The following FAM161A variants were observed in gnomAD, a reference collection of about 807,000 sequenced individuals.
FAM161A encodes FAM161 centrosomal protein A, also known as protein FAM161A.
A neutral mutation model predicts 70.9 loss-of-function variants in FAM161A; 57 were observed. That is an observed-to-expected ratio of 0.80 (90% CI 0.65 to 1.00). FAM161A has a LOEUF of 1.00. FAM161A is among the 50% of genes least tolerant of loss of function. FAM161A has a pLI of 0.00. For synonymous variants in FAM161A, 299 were observed against 295.7 expected (o/e 1.01, Z -0.12); for missense variants, 880 against 836.0 (o/e 1.05, Z -0.65).
chr2:61,812,743 A>G, the FAM161A span, among the ~76,000 whole-genome samples: 1 of 151,364 alleles, frequency 6.6e-6, no homozygotes, highest in South Asian at 2.1e-4. Flanking sequence ...AAAAACAAAA[A>G]CAAAACAACA....
intron 5 of FAM161A, among the ~76,000 whole-genome samples, chr2:61,832,716 G>A (rs1183260660): frequency 1.3e-5 from 2 of 152,184 alleles, no homozygotes; most frequent in Non-Finnish European, 2.9e-5. Context: ...ATCGTGAAGT[G>A]CTCATGCCAG....
the FAM161A span, among the ~76,000 whole-genome samples, chr2:61,802,869 A>G: frequency 6.6e-6 from 1 of 152,204 alleles, no homozygotes; most frequent in Non-Finnish European, 1.5e-5. Context: ...GAAATAAAGG[A>G]AAAGTTTTAG....
chr2:61,853,964 C>T lies in FAM161A; in HGVS notation c.78G>A (p.Arg26=), dbSNP rs2105111264. 2 of 1,613,938 alleles carry T rather than the reference C, an allele frequency of 1.2e-6. No individual in the cohort carries two copies. Among genetic ancestry groups the T allele is most frequent in the Non-Finnish European group, 1.7e-6 (2 of 1,179,836 alleles). ...GGTCTTCGCGTTCGTACTGGGCGAC[C>T]CGCGCTCCAGTGATGGGATTTACCG... is the stretch of plus-strand genomic sequence containing the variant. ...QTPVNPITGA[R]VAQYEREDPL... Residue 26 remains arginine, a synonymous_variant, in exon 1 of 7, where the codon CGG becomes CGA. Coordinates refer to ENST00000404929, the MANE Select transcript of FAM161A (RefSeq NM_001201543.2).
downstream of FAM161A, among the ~76,000 whole-genome samples, chr2:61,822,216 A>G (rs916007148): frequency 3.3e-5 from 5 of 151,992 alleles, no homozygotes; most frequent in Non-Finnish European, 5.9e-5. Flanking sequence ...GGATCACTTG[A>G]GTCCAGGAGT....
At chr2:61,852,328 C>T (rs754013002) in intron 1 of FAM161A, among the ~76,000 whole-genome samples, 1 of 152,148 alleles carries the variant, frequency 6.6e-6, no homozygotes. Context: ...ACTCCTTTAC[C>T]ACAGCAAGCC....
chr2:61,816,351 C>G, the FAM161A span, among the ~76,000 whole-genome samples: 2 of 152,164 alleles, frequency 1.3e-5, no homozygotes, highest in Non-Finnish European at 2.9e-5. Context: ...TCCCTTCAAC[C>G]CTTGCCCAAA....
the FAM161A span, among the ~76,000 whole-genome samples, chr2:61,817,607 C>T: frequency 6.6e-6 from 1 of 152,218 alleles, no homozygotes; most frequent in Admixed American, 6.5e-5. Context: ...CATTGAGATA[C>T]ACTCAGCTTA....
At position 61,839,473 on chromosome 2, in the gene FAM161A, A is replaced by ACGG. The variant is rs758465547; in HGVS notation, c.1530_1531insCCG (p.Asn510_Cys511insPro). On this transcript the variant is annotated inframe_insertion, in exon 3 of 7. Coordinates refer to ENST00000404929, the MANE Select transcript of FAM161A (RefSeq NM_001201543.2). The stretch of plus-strand genomic sequence containing the variant: ...GATACCGTGGGCACGGGAGGGTTGC[A>ACGG]GTTACAAGGCACAGGGTTTACACCT... The ACGG allele has an allele frequency of 6.2e-7, 1 of 1,614,198 alleles. No homozygotes were observed. The highest frequency in any genetic ancestry group is 1.7e-5 in the Admixed American group (1 of 60,018).
intron 1 of FAM161A, among the ~76,000 whole-genome samples, chr2:61,845,042 A>T (rs2105091905): frequency 6.6e-6 from 1 of 152,316 alleles, no homozygotes; most frequent in South Asian, 2.1e-4. Flanking sequence ...ATGTCTGGAG[A>T]CCTGGTGAGA....
At chr2:61,847,497 C>G (rs530215799) in intron 1 of FAM161A, among the ~76,000 whole-genome samples, 62 of 151,948 alleles carry the variant, frequency 4.1e-4, no homozygotes, top group South Asian at 1.5e-3. Context: ...TTTGCCAGGC[C>G]TGATGGCTCA....
chr2:61,842,078 A>C (rs1332562098), intron 2 of FAM161A, 44 bp downstream of exon 2: 1 of 1,229,608 alleles, frequency 8.1e-7, no homozygotes, highest in African/African-American at 1.5e-5. Flanking sequence ...TTAAGGATAC[A>C]TTTTATTTTA....
chr2:61,852,681 T>C (rs1226470917), intron 1 of FAM161A, among the ~76,000 whole-genome samples: 1 of 152,228 alleles, frequency 6.6e-6, no homozygotes, highest in African/African-American at 2.4e-5. Flanking sequence ...TCCTGGTTCA[T>C]GTTCAGGGTC....
chr2:61,842,091 C>T lies in FAM161A; in HGVS notation c.422+31G>A, dbSNP rs542471946. On this transcript the variant is annotated intron_variant, in intron 2 of 6. Coordinates refer to ENST00000404929, the MANE Select transcript of FAM161A (RefSeq NM_001201543.2). Reference sequence around the variant, plus strand: ...TTTTAAGGATACATTTTATTTTATACTCCACAAATAACATTGAGTTACAAG... The same window carrying T: ...TTTTAAGGATACATTTTATTTTATATTCCACAAATAACATTGAGTTACAAG... The T allele has an allele frequency of 1.0e-5, 13 of 1,295,906 alleles. No homozygotes were observed. The East Asian group carries it at 2.5e-4, about 25-fold the overall frequency. 80.3% of individuals were successfully genotyped at this position (1,295,906 alleles called of 1,614,324 possible). A position where few individuals can be genotyped will look rare whatever the true frequency, so the allele number is the denominator to read the frequency against.
At position 61,840,454 on chromosome 2, in the gene FAM161A, C is replaced by T. The variant is rs184627338; in HGVS notation, c.550G>A (p.Glu184Lys). 1.6e-5 allele frequency: 26 copies of T among 1,613,998 alleles called. No homozygotes were observed. In the Admixed American group the frequency reaches 4.3e-4, roughly 27 times the overall value. Reference protein sequence around the residue: ...SEEELPNLEKEYPRKNRMMTY... With the variant: ...SEEELPNLEKKYPRKNRMMTY... ...ATCATTCTGTTTTTCCTAGGATACTCTTTTTCTAGGTTGGGTAACTCCTCT... is the reference window on the plus strand; with the variant it reads ...ATCATTCTGTTTTTCCTAGGATACTTTTTTTCTAGGTTGGGTAACTCCTCT... Residue 184 changes from glutamate (E) to lysine (K), a missense_variant, in exon 3 of 7, where the codon GAG becomes AAG. By Grantham distance (56) the Glu-to-Lys change is moderately conservative. Transcript: ENST00000404929.
the FAM161A span, among the ~76,000 whole-genome samples, chr2:61,805,752 G>C: frequency 6.6e-6 from 1 of 152,060 alleles, no homozygotes; most frequent in Non-Finnish European, 1.5e-5. Context: ...CCAATGATCT[G>C]TTGCAGTGCC....
downstream of FAM161A, among the ~76,000 whole-genome samples, chr2:61,823,374 T>TGTATTGTATATATATATATGTATCATCA (rs1672251004): frequency 2.1e-5 from 3 of 144,164 alleles, no homozygotes; most frequent in East Asian, 4.0e-4. Context: ...TATATATATA[T>TGTATTGTATATATATATATGTATCATCA]ATATATATAT....
chr2:61,838,264 T>C (rs1180526309), intron 4 of FAM161A, among the ~76,000 whole-genome samples: 2 of 152,198 alleles, frequency 1.3e-5, no homozygotes, highest in Non-Finnish European at 2.9e-5. Context: ...CAGATATTGG[T>C]ATAAGATTAT....
rs747699789 is a variant in FAM161A at position 61,838,697 on chromosome 2, A to T, written c.1592T>A (p.Leu531His). 6.2e-7 allele frequency: 1 copy of T among 1,607,374 alleles called. No individual in the cohort carries two copies. The highest frequency in any genetic ancestry group is 2.2e-5 in the East Asian group (1 of 44,792). The change falls in exon 4 of 7, where the codon CTT (leucine) becomes CAT (histidine). Residue 531 changes from leucine (L) to histidine (H), a missense_variant. By Grantham distance (99) the Leu-to-His change is moderately conservative (BLOSUM62 -3). Coordinates refer to ENST00000404929, the MANE Select transcript of FAM161A (RefSeq NM_001201543.2). ...RGREQAVRRS[L>H]EEKKMLEEER... is the part of the protein sequence containing the mutation. ...TTCTTCCAACATTTTCTTTTCCTCA[A>T]GTGATCTCCTGAGGGTAACAAACTA... is the stretch of plus-strand genomic sequence containing the variant.
the FAM161A span, among the ~76,000 whole-genome samples, chr2:61,814,145 G>C: frequency 6.6e-6 from 1 of 152,148 alleles, no homozygotes; most frequent in Non-Finnish European, 1.5e-5. Flanking sequence ...GAGGTTTGTG[G>C]GTGGCTGGAG....
Sources: gnomAD v4.1 joint callset for allele counts (sites outside exome capture counted in the v4.1 genomes callset) on GRCh38, gnomAD v4.1.1 for gene constraint, MANE v1.5 for transcripts, NCBI Gene and HGNC (gene_info 2026-07-23, HGNC 2026-07-21) for gene names.